Variants in RUNX1 observed in about 807,000 individuals in gnomAD.
RUNX1 encodes the protein RUNX family transcription factor 1.
RUNX1 carries 19 observed loss-of-function variants against 42.8 expected under a neutral mutation model. That is an observed-to-expected ratio of 0.44 (90% CI 0.31 to 0.65). The LOEUF is 0.65. Ranked by LOEUF, RUNX1 falls within the 30% of genes least tolerant of loss-of-function variation. RUNX1 has a pLI of 0.07. For synonymous variants in RUNX1, 271 were observed against 289.4 expected (o/e 0.94, Z 0.64); for missense variants, 528 against 672.0 (o/e 0.79, Z 2.37).
intron 6 of RUNX1, 164 bp downstream of exon 6, chr21:34,859,310 A>G: frequency 1.5e-6 from 1 of 648,300 alleles, no homozygotes; most frequent in Non-Finnish European, 2.8e-6. Context: ...ACAAGCTTTG[A>G]GTAGCGAGAG....
chr21:35,019,966 C>CGGG (rs2059186639), intron 2 of RUNX1, among the ~76,000 whole-genome samples: 1 of 152,068 alleles, frequency 6.6e-6, no homozygotes, highest in African/African-American at 2.4e-5. Context: ...AACTTGGTAT[C>CGGG]GGGGAAGCAG....
At position 34,880,729 on chromosome 21, in the gene RUNX1, A is replaced by G. The variant is rs759938828; in HGVS notation, c.352-16T>C. 1.2e-6 allele frequency: 2 copies of G among 1,613,896 alleles called. No homozygotes were observed. The highest frequency in any genetic ancestry group is 2.2e-5 in the East Asian group (1 of 44,884). ...GGGCCACCACCTAAACACCAGTCAA[A>G]GGACAAATGCAGACATCAGGGATGT... On this transcript the variant is annotated splice_polypyrimidine_tract_variant and intron_variant, in intron 4 of 8. Coordinates refer to ENST00000675419, the MANE Select transcript of RUNX1 (RefSeq NM_001754.5).
chr21:35,028,901 T>C (rs1052065021), intron 2 of RUNX1, among the ~76,000 whole-genome samples: 1 of 152,230 alleles, frequency 6.6e-6, no homozygotes, highest in Admixed American at 6.5e-5. Context: ...AATCTGGTTA[T>C]ACAGTCATCA....
intron 5 of RUNX1, among the ~76,000 whole-genome samples, chr21:34,874,921 T>C (rs967516939): frequency 1.3e-5 from 2 of 152,294 alleles, no homozygotes; most frequent in Non-Finnish European, 2.9e-5. Context: ...TTCTGATTGA[T>C]AGTCTTCTGT....
chr21:34,831,170 C>G (rs1018845587), intron 7 of RUNX1, among the ~76,000 whole-genome samples: 7 of 152,138 alleles, frequency 4.6e-5, no homozygotes, highest in African/African-American at 1.7e-4. Flanking sequence ...GGTGTCCTGA[C>G]TGGGAGAAAC....
intron 2 of RUNX1, among the ~76,000 whole-genome samples, chr21:34,935,309 T>C (rs2058476869): frequency 1.3e-5 from 2 of 152,188 alleles, no homozygotes; most frequent in African/African-American, 2.4e-5. Context: ...GTGGTTGGAC[T>C]TAAACCTTGG....
Position 35,048,904 on chromosome 21 carries a change from T to C in RUNX1, c.-5A>G. On this transcript the variant is annotated 5_prime_UTR_variant, in exon 2 of 9. Transcript: ENST00000675419. The stretch of plus-strand genomic sequence containing the variant: ...AAATATGCTGTCTGAAGCCATCGCT[T>C]CCTCCTGAAAATGCACCCTCTTCTG... 6.2e-7 allele frequency: 1 copy of C among 1,613,854 alleles called. No individual in the cohort carries two copies. Among genetic ancestry groups the C allele is most frequent in the Non-Finnish European group, 8.5e-7 (1 of 1,179,830 alleles).
chr21:34,863,780 T>A (rs553500355), intron 5 of RUNX1, among the ~76,000 whole-genome samples: 33 of 152,208 alleles, frequency 2.2e-4, no homozygotes, highest in Middle Eastern at 3.4e-3. Context: ...GGTCTCGAAC[T>A]CCTGACATTG....
chr21:34,969,594 C>T (rs2058745992), intron 2 of RUNX1, among the ~76,000 whole-genome samples: 1 of 151,980 alleles, frequency 6.6e-6, no homozygotes, highest in African/African-American at 2.4e-5. Context: ...GTACTTCTGC[C>T]AGGAGACCAT....
At chr21:34,794,113 AGAT>A (rs1299492386) in intron 8 of RUNX1, among the ~76,000 whole-genome samples, 1 of 152,184 alleles carries the variant, frequency 6.6e-6, no homozygotes, top group African/African-American at 2.4e-5. Context: ...TTAATATAGC[AGAT>A]GATAATTTGA....
intron 2 of RUNX1, among the ~76,000 whole-genome samples, chr21:34,894,924 CACACAT>C (rs879280443): frequency 0.051 from 6,716 of 130,764 alleles, 399 homozygotes; most frequent in African/African-American, 0.16. Flanking sequence ...CACACACACA[CACACAT>C]ATTCATATCT....
At chr21:34,889,761 G>C (rs1569087890) in intron 3 of RUNX1, 3 of 1,154,222 alleles carry the variant, frequency 2.6e-6, no homozygotes, top group Non-Finnish European at 3.2e-6. Context: ...GGAGGGCCCC[G>C]CCCCCGGTCC....
chr21:34,853,493 T>G (rs1002251411), intron 6 of RUNX1, among the ~76,000 whole-genome samples: 3 of 152,210 alleles, frequency 2.0e-5, no homozygotes, highest in Non-Finnish European at 4.4e-5. Context: ...CATCGGTGCG[T>G]GCCAGCATCT....
intron 7 of RUNX1, among the ~76,000 whole-genome samples, chr21:34,806,783 C>T (rs573751000): frequency 6.6e-6 from 1 of 152,084 alleles, no homozygotes; most frequent in African/African-American, 2.4e-5. Context: ...TTTTCTCAGA[C>T]CACATGGATT....
intron 2 of RUNX1, among the ~76,000 whole-genome samples, chr21:34,912,092 C>T (rs2058276892): frequency 1.3e-5 from 2 of 151,324 alleles, no homozygotes; most frequent in Admixed American, 6.6e-5. Context: ...TTGTCCTGTT[C>T]ACTGCCCAGC....
intron 2 of RUNX1, among the ~76,000 whole-genome samples, chr21:34,968,563 T>C (rs973401030): frequency 4.6e-5 from 7 of 152,136 alleles, no homozygotes; most frequent in African/African-American, 1.7e-4. Flanking sequence ...TAAGACCCTC[T>C]AGAATGTTCT....
chr21:35,038,331 A>G (rs912124848), intron 2 of RUNX1: 5 of 330,582 alleles, frequency 1.5e-5, no homozygotes, highest in African/African-American at 8.8e-5. Flanking sequence ...CAACTCGTAG[A>G]AGAAGCCCCT....
At chr21:34,819,783 G>A (rs945265413) in intron 7 of RUNX1, among the ~76,000 whole-genome samples, 6 of 152,146 alleles carry the variant, frequency 3.9e-5, no homozygotes, top group African/African-American at 1.2e-4. Context: ...TCCTGGCCTC[G>A]GCCTGCCAAA....
intron 2 of RUNX1, among the ~76,000 whole-genome samples, chr21:34,909,588 C>CAAGAAAAAAAA (rs2058254730): frequency 1.3e-5 from 1 of 75,028 alleles, no homozygotes; most frequent in African/African-American, 6.3e-5. Flanking sequence ...CACTGTTCCT[C>CAAGAAAAAAAA]AAAAAAAAAA....
Sources: gnomAD v4.1 joint callset for allele counts (sites outside exome capture counted in the v4.1 genomes callset) on GRCh38, gnomAD v4.1.1 for gene constraint, MANE v1.5 for transcripts, NCBI Gene and HGNC (gene_info 2026-07-23, HGNC 2026-07-21) for gene names.